Variants in PPARGC1A observed in about 807,000 individuals in gnomAD.
PPARGC1A encodes the protein PPARG coactivator 1 alpha.
PPARGC1A carries 25 observed loss-of-function variants against 88.7 expected under a neutral mutation model. The ratio of observed to expected loss-of-function variants is 0.28; its 90% CI spans 0.21 to 0.39. The LOEUF (loss-of-function observed/expected upper bound fraction) is 0.39. Among genes scored for constraint, PPARGC1A ranks in the 10% least tolerant of loss-of-function variants. The pLI is 1.00. For synonymous variants in PPARGC1A, 363 were observed against 355.6 expected (o/e 1.02, Z -0.24); for missense variants, 880 against 968.7 (o/e 0.91, Z 1.22).
chr4:23,889,057 A>G, intron 1 of PPARGC1A: 1 of 985,336 alleles, frequency 1.0e-6, no homozygotes, highest in Non-Finnish European at 1.2e-6. Context: ...TAGACTCCAG[A>G]GATTACGAGG....
the PPARGC1A span, among the ~76,000 whole-genome samples, chr4:24,066,185 A>T: frequency 6.6e-6 from 1 of 152,008 alleles, no homozygotes; most frequent in South Asian, 2.1e-4. Context: ...ACGAGGGAGG[A>T]CGACTGTCGC....
chr4:23,932,851 A>G, the PPARGC1A span, among the ~76,000 whole-genome samples: 1 of 152,144 alleles, frequency 6.6e-6, no homozygotes, highest in Non-Finnish European at 1.5e-5. Flanking sequence ...AAAATTCCAT[A>G]GCAATTTGCT....
chr4:24,144,991 G>A, the PPARGC1A span, among the ~76,000 whole-genome samples: 1 of 151,180 alleles, frequency 6.6e-6, no homozygotes, highest in Non-Finnish European at 1.5e-5. Context: ...GGATCTTGGG[G>A]GCCAGCAATA....
At chr4:24,439,227 T>C in the PPARGC1A span, among the ~76,000 whole-genome samples, 1 of 152,186 alleles carries the variant, frequency 6.6e-6, no homozygotes, top group African/African-American at 2.4e-5. Context: ...CAATAATGGC[T>C]TTCCAACCCC....
chr4:23,983,694 A>T, the PPARGC1A span, among the ~76,000 whole-genome samples: 1 of 152,092 alleles, frequency 6.6e-6, no homozygotes, highest in Non-Finnish European at 1.5e-5. Context: ...GGAGGGAGGA[A>T]GAGAGGTAGG....
upstream of PPARGC1A, among the ~76,000 whole-genome samples, chr4:23,903,656 T>G (rs1464255408): frequency 6.6e-6 from 1 of 152,142 alleles, no homozygotes; most frequent in African/African-American, 2.4e-5. Flanking sequence ...ACTGGAGCAG[T>G]GGATTACACA....
chr4:23,834,024 GCACGGTGGTTCACGCCTATAAT>G (rs1725544829), intron 2 of PPARGC1A, among the ~76,000 whole-genome samples: 2 of 152,160 alleles, frequency 1.3e-5, no homozygotes, highest in African/African-American at 4.8e-5. Context: ...AATTGGCTGG[GCACGGTGGTTCACGCCTATAAT>G]CCCAGCACTT....
At chr4:24,275,223 C>A in the PPARGC1A span, among the ~76,000 whole-genome samples, 1 of 63,754 alleles carries the variant, frequency 1.6e-5, no homozygotes, top group South Asian at 4.6e-4. Flanking sequence ...TATTTAAATA[C>A]GTTTACTTAC....
At chr4:23,958,236 T>C in the PPARGC1A span, among the ~76,000 whole-genome samples, 1 of 152,258 alleles carries the variant, frequency 6.6e-6, no homozygotes, top group East Asian at 1.9e-4. Context: ...TTTTAATTAC[T>C]GGTCATGTTT....
the PPARGC1A span, among the ~76,000 whole-genome samples, chr4:24,339,208 GTGTGTATATATATATATA>G: frequency 2.4e-4 from 9 of 38,232 alleles, no homozygotes; most frequent in African/African-American, 5.3e-4. Flanking sequence ...GTGTGTGTGT[GTGTGTATATATATATATA>G]TATATATATA....
At chr4:24,324,313 AG>A in the PPARGC1A span, among the ~76,000 whole-genome samples, 1 of 151,870 alleles carries the variant, frequency 6.6e-6, no homozygotes, top group Non-Finnish European at 1.5e-5. Flanking sequence ...CCGCTTCCCT[AG>A]GGGGCAAGAA....
chr4:24,349,253 C>T, the PPARGC1A span, among the ~76,000 whole-genome samples: 1 of 152,140 alleles, frequency 6.6e-6, no homozygotes, highest in African/African-American at 2.4e-5. Flanking sequence ...TGGTTTGATG[C>T]TCTATTTTTG....
chr4:24,336,117 T>C, the PPARGC1A span, among the ~76,000 whole-genome samples: 79 of 152,296 alleles, frequency 5.2e-4, 1 homozygote, highest in African/African-American at 1.9e-3. Flanking sequence ...TATCTTTCTG[T>C]CCCTCTCTTC....
the PPARGC1A span, among the ~76,000 whole-genome samples, chr4:24,205,761 A>T: frequency 5.3e-5 from 8 of 152,146 alleles, no homozygotes; most frequent in Non-Finnish European, 7.4e-5. Flanking sequence ...ACAAAAAACT[A>T]AAGTCAGAGT....
chr4:24,005,577 C>T, the PPARGC1A span, among the ~76,000 whole-genome samples: 24,341 of 152,160 alleles, frequency 0.16, 2,037 homozygotes, highest in South Asian at 0.18. Context: ...AAGACAGCAG[C>T]GTTCACTGTC....
chr4:24,083,362 C>T, the PPARGC1A span, among the ~76,000 whole-genome samples: 1 of 152,178 alleles, frequency 6.6e-6, no homozygotes, highest in East Asian at 1.9e-4. Context: ...CCCAAGTCCC[C>T]AGACAATCTG....
the PPARGC1A span, among the ~76,000 whole-genome samples, chr4:24,384,721 A>T: frequency 9.4e-4 from 143 of 152,330 alleles, 1 homozygote; most frequent in African/African-American, 3.4e-3. Flanking sequence ...CACCCAATAC[A>T]GGAGCACCCA....
At position 23,793,027 on chromosome 4, in the gene PPARGC1A, T is replaced by A. The variant is rs1019617756; in HGVS notation, c.*2795A>T. ...GAAAAGAAACCAAGTATTCCACTCA[T>A]GTCAACAATCCAGGGCAAAAAGGAG... On this transcript the variant is annotated 3_prime_UTR_variant, in exon 13 of 13. Transcript: ENST00000264867. 1 of 152,520 alleles carries A rather than the reference T, an allele frequency of 6.6e-6. No individual in the cohort carries two copies. Among genetic ancestry groups the A allele is most frequent in the African/African-American group, 2.4e-5 (1 of 41,446 alleles). The allele number at this position is 152,520 out of a possible 1,614,324, so 9.4% of individuals were successfully genotyped here.
At chr4:24,023,045 A>G in the PPARGC1A span, among the ~76,000 whole-genome samples, 1 of 152,184 alleles carries the variant, frequency 6.6e-6, no homozygotes, top group South Asian at 2.1e-4. Context: ...TTTATAATGT[A>G]CTGTTAATTT....
Sources: allele counts gnomAD v4.1 joint callset (sites outside exome capture counted in the v4.1 genomes callset), GRCh38; gene constraint gnomAD v4.1.1; transcripts MANE v1.5; gene names NCBI Gene and HGNC (gene_info 2026-07-23, HGNC 2026-07-21).